Variants in DPP6 observed in about 807,000 individuals in gnomAD.
DPP6 encodes the protein A-type potassium channel modulatory protein DPP6.
A neutral mutation model predicts 122.6 loss-of-function variants in DPP6; 69 were observed. That is an observed-to-expected ratio of 0.56 (90% confidence interval 0.46 to 0.69). DPP6 has a LOEUF of 0.69. DPP6 is among the 30% of genes least tolerant of loss of function. The pLI, the probability that DPP6 is intolerant of heterozygous loss-of-function variation, is 0.00. For missense variants in DPP6, 928 were observed against 1,116.9 expected (o/e 0.83, Z 2.41); for synonymous variants, 418 against 433.1 (o/e 0.97, Z 0.43).
At chr7:154,468,494 G>A (rs1222720522) in intron 2 of DPP6, among the ~76,000 whole-genome samples, 1 of 152,192 alleles carries the variant, frequency 6.6e-6, no homozygotes, top group African/African-American at 2.4e-5. Flanking sequence ...TGTCAAGAAA[G>A]GAATAAACTA....
chr7:154,124,353 G>T (rs2150614360), intron 1 of DPP6, among the ~76,000 whole-genome samples: 1 of 152,210 alleles, frequency 6.6e-6, no homozygotes, highest in Non-Finnish European at 1.5e-5. Context: ...AGGGGAGGAG[G>T]GTGAGAGCAT....
chr7:154,060,410 G>C (rs572893844), intron 1 of DPP6, among the ~76,000 whole-genome samples: 1 of 117,150 alleles, frequency 8.5e-6, no homozygotes, highest in Non-Finnish European at 1.8e-5. Context: ...CCATCGCAGA[G>C]GGGGGAGGCA....
In DPP6 at chr7:153,967,066, C is replaced by CAA. The variant is rs1795782460; in HGVS notation, c.51+79333_51+79334insAA. Among the ~76,000 whole-genome samples the CAA allele has an allele frequency of 3.4e-5, 5 of 147,698 alleles. No individual in the cohort carries two copies. In the South Asian group the frequency reaches 1.1e-3, roughly 31 times the overall value. ...TGAGTGACAGGGCAAGACCCTGTCT[C>CAA]ACAAACAAACAAACAAACACAAAAG... On this transcript the variant is annotated intron_variant, in intron 1 of 25. Coordinates refer to the DPP6 transcript ENST00000404039.
intron 25 of DPP6, among the ~76,000 whole-genome samples, chr7:154,891,422 T>C (rs1806595792): frequency 6.6e-6 from 1 of 152,114 alleles, no homozygotes; most frequent in Non-Finnish European, 1.5e-5. Context: ...TATAAGATTG[T>C]TTAATTCTCA....
intron 5 of DPP6, among the ~76,000 whole-genome samples, chr7:154,623,106 G>T (rs537033110): frequency 1.4e-4 from 21 of 152,280 alleles, no homozygotes; most frequent in African/African-American, 4.6e-4. Flanking sequence ...GGTCCACTCT[G>T]TTATTTCCTG....
chr7:154,024,915 G>A (rs1798898194), intron 1 of DPP6, among the ~76,000 whole-genome samples: 1 of 152,096 alleles, frequency 6.6e-6, no homozygotes, highest in Non-Finnish European at 1.5e-5. Context: ...AATTTGCCAG[G>A]GTCAAATAGT....
chr7:154,762,903 A>G (rs1456959010), intron 8 of DPP6, among the ~76,000 whole-genome samples: 1 of 152,250 alleles, frequency 6.6e-6, no homozygotes, highest in Non-Finnish European at 1.5e-5. Context: ...CGATGGTGCA[A>G]TGAAACAGCA....
chr7:154,129,411 C>T (rs12535423), intron 1 of DPP6, among the ~76,000 whole-genome samples: 62,375 of 152,030 alleles, frequency 0.41, 14,038 homozygotes, highest in Non-Finnish European at 0.51. Flanking sequence ...AAGCAGAAAG[C>T]GACAGGGGGC....
intron 5 of DPP6, among the ~76,000 whole-genome samples, chr7:154,575,602 GGT>G (rs1310556313): frequency 8.2e-6 from 1 of 121,700 alleles, no homozygotes; most frequent in Non-Finnish European, 1.6e-5. Flanking sequence ...GTATGTGTGT[GGT>G]GTGTGTATGT....
intron 1 of DPP6, among the ~76,000 whole-genome samples, chr7:154,385,119 G>A (rs370464850): frequency 2.5e-4 from 38 of 152,144 alleles, no homozygotes; most frequent in East Asian, 5.8e-4. Context: ...ACAGGTGCCC[G>A]CCACCATGCC....
the DPP6 span, among the ~76,000 whole-genome samples, chr7:153,830,630 T>G: frequency 6.6e-6 from 1 of 152,244 alleles, no homozygotes; most frequent in South Asian, 2.1e-4. Context: ...AATTGGCCAC[T>G]GTTTAATCAT....
At chr7:154,104,257 CG>C (rs1805978572) in intron 1 of DPP6, among the ~76,000 whole-genome samples, 1 of 152,176 alleles carries the variant, frequency 6.6e-6, no homozygotes, top group Admixed American at 6.5e-5. Flanking sequence ...CTGCCCCGGA[CG>C]GGAAGGGGTT....
chr7:154,321,511 G>T (rs541236222), intron 1 of DPP6, among the ~76,000 whole-genome samples: 96 of 151,946 alleles, frequency 6.3e-4, no homozygotes, highest in African/African-American at 2.2e-3. Flanking sequence ...GGCCAGGCGC[G>T]GTCGCTCACG....
intron 1 of DPP6, among the ~76,000 whole-genome samples, chr7:153,922,091 A>C (rs1435188215): frequency 1.3e-5 from 2 of 152,212 alleles, no homozygotes; most frequent in Non-Finnish European, 2.9e-5. Context: ...GGGAGTCTAG[A>C]GGTAAGGACA....
chr7:154,890,601 A>AC (rs898327818), intron 25 of DPP6: 3 of 151,998 alleles, frequency 2.0e-5, no homozygotes, highest in African/African-American at 7.3e-5. Context: ...GGCGAGCTGA[A>AC]CCCCCCAGGT....
At chr7:153,857,259 A>G in the DPP6 span, among the ~76,000 whole-genome samples, 1 of 151,878 alleles carries the variant, frequency 6.6e-6, no homozygotes, top group Admixed American at 6.6e-5. Context: ...ATAGTTATTT[A>G]GAAAACATTG....
At chr7:154,272,346 G>T (rs947228341) in intron 1 of DPP6, among the ~76,000 whole-genome samples, 1 of 152,102 alleles carries the variant, frequency 6.6e-6, no homozygotes, top group African/African-American at 2.4e-5. Flanking sequence ...TACTTCTTAT[G>T]GTCCTTTTGG....
At chr7:153,848,461 G>GA in the DPP6 span, among the ~76,000 whole-genome samples, 4,371 of 152,150 alleles carry the variant, frequency 0.029, 175 homozygotes, top group African/African-American at 0.098. Context: ...GGCCTTCTGA[G>GA]AAGGTCTGCA....
chr7:154,150,191 T>C (rs1796340165), intron 1 of DPP6, among the ~76,000 whole-genome samples: 1 of 152,098 alleles, frequency 6.6e-6, no homozygotes, highest in Admixed American at 6.6e-5. Flanking sequence ...ACATTTCACC[T>C]TCAATTTGGA....
Sources: gnomAD v4.1 joint callset for allele counts (sites outside exome capture counted in the v4.1 genomes callset) on GRCh38, gnomAD v4.1.1 for gene constraint, MANE v1.5 for transcripts, NCBI Gene and HGNC (gene_info 2026-07-23, HGNC 2026-07-21) for gene names.